The following ARHGAP15 variants were observed in gnomAD, a reference collection of about 807,000 sequenced individuals.
ARHGAP15 encodes the protein rho GTPase-activating protein 15.
In ARHGAP15, 51 loss-of-function variants were observed where a neutral mutation model predicts 63.7. That is an observed-to-expected ratio of 0.80 (90% CI 0.64 to 1.01). The LOEUF (loss-of-function observed/expected upper bound fraction) is 1.01. Ranked by LOEUF, ARHGAP15 falls within the 50% of genes least tolerant of loss-of-function variation. ARHGAP15 has a pLI of 0.00. For missense variants in ARHGAP15, 560 were observed against 564.6 expected, an observed-to-expected ratio of 0.99 and a Z score of 0.08; for synonymous variants, 191 against 193.8, an observed-to-expected ratio of 0.99 and a Z score of 0.12.
chr2:143,263,191 A>G (rs1680816125), intron 6 of ARHGAP15, among the ~76,000 whole-genome samples: 1 of 152,210 alleles, frequency 6.6e-6, no homozygotes, highest in Admixed American at 6.5e-5. Context: ...TAAGAACGGC[A>G]GATCTTAAGA....
chr2:143,684,473 A>AAAAC (rs1683237565), intron 12 of ARHGAP15, among the ~76,000 whole-genome samples: 1 of 151,968 alleles, frequency 6.6e-6, no homozygotes, highest in Non-Finnish European at 1.5e-5. Flanking sequence ...CATCTCAGCA[A>AAAAC]AAACAAAAAA....
At chr2:143,661,953 A>G (rs1681817518) in intron 12 of ARHGAP15, among the ~76,000 whole-genome samples, 1 of 152,234 alleles carries the variant, frequency 6.6e-6, no homozygotes, top group East Asian at 1.9e-4. Flanking sequence ...CTAGCACAGC[A>G]GTCTGAGACC....
chr2:143,178,527 A>T (rs1691098196), intron 2 of ARHGAP15, among the ~76,000 whole-genome samples: 1 of 152,208 alleles, frequency 6.6e-6, no homozygotes, highest in Non-Finnish European at 1.5e-5. Context: ...CGCTAAATAA[A>T]ATGGTATTAT....
chr2:143,272,829 T>C (rs1489650864), intron 6 of ARHGAP15, among the ~76,000 whole-genome samples: 1 of 152,160 alleles, frequency 6.6e-6, no homozygotes, highest in Admixed American at 6.5e-5. Flanking sequence ...AGTAGAAAAA[T>C]ATTAATCAAA....
intron 13 of ARHGAP15, among the ~76,000 whole-genome samples, chr2:143,725,413 A>G (rs1319727214): frequency 6.6e-6 from 1 of 152,242 alleles, no homozygotes; most frequent in Non-Finnish European, 1.5e-5. Context: ...ACCAATCTGG[A>G]GAAAACAACG....
Position 143,544,536 on chromosome 2 carries a change from G to A in ARHGAP15, c.926-11872G>A, listed in dbSNP as rs1331319316. Reference sequence around the variant, plus strand: ...AAAATAGTTGGGAAATATGTAAAACGATTTAAAAACAGAATCATTTTTATA... The same window carrying A: ...AAAATAGTTGGGAAATATGTAAAACAATTTAAAAACAGAATCATTTTTATA... On this transcript the variant is annotated intron_variant, in intron 10 of 13. Coordinates refer to ENST00000295095, the MANE Select transcript of ARHGAP15 (RefSeq NM_018460.4). Among the ~76,000 whole-genome samples, 5 of 151,874 alleles carry A rather than the reference G, an allele frequency of 3.3e-5. No homozygotes were observed. In the South Asian group the frequency reaches 8.3e-4, roughly 25 times the overall value.
intron 6 of ARHGAP15, among the ~76,000 whole-genome samples, chr2:143,267,206 G>A (rs1574182090): frequency 6.6e-6 from 1 of 152,260 alleles, no homozygotes; most frequent in East Asian, 1.9e-4. Flanking sequence ...CAGATCACCT[G>A]CTCAATCTAA....
chr2:143,238,629 CTG>C (rs1693746373), intron 5 of ARHGAP15, among the ~76,000 whole-genome samples: 1 of 152,160 alleles, frequency 6.6e-6, no homozygotes, highest in South Asian at 2.1e-4. Flanking sequence ...GTGGAAGACA[CTG>C]TGGTGATTCC....
intron 8 of ARHGAP15, among the ~76,000 whole-genome samples, chr2:143,452,980 C>T (rs1690476401): frequency 6.6e-6 from 1 of 151,830 alleles, no homozygotes. Context: ...ATTGTAAGAA[C>T]AGAGTTGTTA....
At chr2:143,387,159 T>TA (rs750323683) in intron 6 of ARHGAP15, among the ~76,000 whole-genome samples, 20 of 152,148 alleles carry the variant, frequency 1.3e-4, no homozygotes, top group African/African-American at 1.9e-4. Flanking sequence ...AACTAAAAGT[T>TA]AAAAAAATCA....
chr2:143,153,922 G>A (rs752135728), intron 1 of ARHGAP15, among the ~76,000 whole-genome samples: 22 of 120,642 alleles, frequency 1.8e-4, no homozygotes, highest in Non-Finnish European at 2.7e-4. Flanking sequence ...TTTTTTTTTC[G>A]GTTTCTTTCA....
intron 4 of ARHGAP15, among the ~76,000 whole-genome samples, chr2:143,222,867 CAT>C (rs1346909076): frequency 1.3e-5 from 2 of 152,158 alleles, no homozygotes; most frequent in African/African-American, 4.8e-5. Flanking sequence ...TAAATGCCCT[CAT>C]AGAAATTTAG....
intron 6 of ARHGAP15, among the ~76,000 whole-genome samples, chr2:143,368,085 T>C (rs1363306562): frequency 6.6e-6 from 1 of 152,090 alleles, no homozygotes; most frequent in Non-Finnish European, 1.5e-5. Flanking sequence ...CTTCATACTT[T>C]TCTATGCCTT....
At chr2:143,275,428 C>CT (rs2105064691) in intron 6 of ARHGAP15, among the ~76,000 whole-genome samples, 1 of 152,316 alleles carries the variant, frequency 6.6e-6, no homozygotes, top group East Asian at 1.9e-4. Context: ...TATTACTGAG[C>CT]TTGGTGGTGG....
chr2:143,667,042 C>A (rs1356807415), intron 12 of ARHGAP15, among the ~76,000 whole-genome samples: 1 of 149,424 alleles, frequency 6.7e-6, no homozygotes, highest in Non-Finnish European at 1.5e-5. Flanking sequence ...ACTAGAAATA[C>A]CATTTGACCC....
At chr2:143,175,378 T>C (rs1690973629) in intron 2 of ARHGAP15, among the ~76,000 whole-genome samples, 1 of 152,070 alleles carries the variant, frequency 6.6e-6, no homozygotes, top group Non-Finnish European at 1.5e-5. Context: ...CAGGAAGAAA[T>C]TGGCGTAAGT....
chr2:143,724,570 G>A (rs1475701487), intron 13 of ARHGAP15, among the ~76,000 whole-genome samples: 1 of 152,154 alleles, frequency 6.6e-6, no homozygotes, highest in Non-Finnish European at 1.5e-5. Flanking sequence ...TGAACTGGTA[G>A]AGAGTCAAGC....
At chr2:143,466,288 C>T (rs1691207838) in intron 8 of ARHGAP15, among the ~76,000 whole-genome samples, 2 of 151,864 alleles carry the variant, frequency 1.3e-5, no homozygotes, top group African/African-American at 4.8e-5. Flanking sequence ...TGGGCACAAT[C>T]TTATTCTTTC....
rs1299826844 is a variant in ARHGAP15 at position 143,534,873 on chromosome 2, C to T, written c.925+15509C>T. Among the ~76,000 whole-genome samples the T allele has an allele frequency of 3.3e-5, 5 of 151,162 alleles. No homozygotes were observed. In the East Asian group the frequency reaches 7.7e-4, roughly 23 times the overall value. ...TCTAGCCTGAGTGATAGACTGAGAA[C>T]CTGTCTCAAAAAAAAAATAAAAAAC... On this transcript the variant is annotated intron_variant, in intron 10 of 13. Coordinates refer to ENST00000295095, the MANE Select transcript of ARHGAP15 (RefSeq NM_018460.4).
Sources: allele counts gnomAD v4.1 joint callset (sites outside exome capture counted in the v4.1 genomes callset), GRCh38; gene constraint gnomAD v4.1.1; transcripts MANE v1.5; gene names NCBI Gene and HGNC (gene_info 2026-07-23, HGNC 2026-07-21).